CACNB2: variants seen among roughly 807,000 people sequenced by gnomAD.
The protein encoded by CACNB2 is calcium voltage-gated channel auxiliary subunit beta 2.
CACNB2 carries 42 observed loss-of-function variants against 73.3 expected under a neutral mutation model. That is an observed-to-expected ratio of 0.57 (90% CI 0.45 to 0.74). The LOEUF (loss-of-function observed/expected upper bound fraction) is 0.74, where lower values mean the gene tolerates loss of function less well. Among genes scored for constraint, CACNB2 ranks in the 30% least tolerant of loss-of-function variants. The pLI, the probability that CACNB2 is intolerant of heterozygous loss-of-function variation, is 0.00. For missense variants in CACNB2, 940 were observed against 853.0 expected, an observed-to-expected ratio of 1.10 and a Z score of -1.27; for synonymous variants, 348 against 310.3, an observed-to-expected ratio of 1.12 and a Z score of -1.28.
At chr10:18,240,916 C>A (rs571138878) in intron 2 of CACNB2, among the ~76,000 whole-genome samples, 139 of 152,266 alleles carry the variant, frequency 9.1e-4, no homozygotes, top group Middle Eastern at 3.4e-3. Flanking sequence ...TCAGAGTAAT[C>A]TTTTCCCAGT....
chr10:18,392,265 C>G (rs2043513378), intron 2 of CACNB2, among the ~76,000 whole-genome samples: 1 of 151,962 alleles, frequency 6.6e-6, no homozygotes, highest in Non-Finnish European at 1.5e-5. Flanking sequence ...AAGGAACAGC[C>G]AATGGGAAAA....
At chr10:18,272,949 A>G (rs2038119665) in intron 2 of CACNB2, among the ~76,000 whole-genome samples, 1 of 152,146 alleles carries the variant, frequency 6.6e-6, no homozygotes, top group Admixed American at 6.5e-5. Context: ...ATCTCTGGGA[A>G]CCATCTTAGA....
chr10:18,281,094 C>T (rs2038526448), intron 2 of CACNB2, among the ~76,000 whole-genome samples: 1 of 152,180 alleles, frequency 6.6e-6, no homozygotes, highest in Non-Finnish European at 1.5e-5. Context: ...ATGCTTCTTC[C>T]ACCATTCTTA....
chr10:18,354,476 T>C (rs975435974), intron 2 of CACNB2, among the ~76,000 whole-genome samples: 6 of 152,126 alleles, frequency 3.9e-5, no homozygotes, highest in African/African-American at 1.4e-4. Context: ...CGCAAGACAG[T>C]TATGGTGGGG....
rs1717253297 is a variant in CACNB2 at position 18,176,772 on chromosome 10, A to G, written c.213+25797A>G. On this transcript the variant is annotated intron_variant, in intron 2 of 13. Transcript: ENST00000324631. ...TAGAGGTGCTAGCCTATGGGCAGCCATGTTTCAGAGAATGCTGGGTGGGCA... is the reference window on the plus strand; with the variant it reads ...TAGAGGTGCTAGCCTATGGGCAGCCGTGTTTCAGAGAATGCTGGGTGGGCA... Among the ~76,000 whole-genome samples the G allele has an allele frequency of 3.3e-5, 5 of 151,952 alleles. No individual in the cohort carries two copies. In the South Asian group the frequency reaches 1.0e-3, roughly 32 times the overall value.
chr10:18,168,431 C>A (rs1395175362), intron 2 of CACNB2, among the ~76,000 whole-genome samples: 1 of 152,064 alleles, frequency 6.6e-6, no homozygotes, highest in African/African-American at 2.4e-5. Context: ...ACTTAAAGAG[C>A]CTTCATTCTG....
intron 3 of CACNB2, among the ~76,000 whole-genome samples, chr10:18,452,995 T>C (rs2047086977): frequency 6.6e-6 from 1 of 152,188 alleles, no homozygotes; most frequent in Non-Finnish European, 1.5e-5. Context: ...ATAGCATCCA[T>C]GCAGTTGCTC....
chr10:18,490,987 C>T lies in CACNB2; in HGVS notation c.334-7368C>T, dbSNP rs1206432384. 7.9e-5 allele frequency among the ~76,000 whole-genome samples: 12 copies of T among 152,218 alleles called. No individual in the cohort carries two copies. The South Asian group carries it at 2.5e-3, about 32-fold the overall frequency. ...GCTTTCCTCAAGAGCCAGAGCACCTCTTGTGTCCCAGCATGTCCCAGAGCA... is the reference window on the plus strand; with the variant it reads ...GCTTTCCTCAAGAGCCAGAGCACCTTTTGTGTCCCAGCATGTCCCAGAGCA... On this transcript the variant is annotated intron_variant, in intron 3 of 13. Coordinates refer to ENST00000324631, the MANE Select transcript of CACNB2 (RefSeq NM_201596.3).
intron 2 of CACNB2, among the ~76,000 whole-genome samples, chr10:18,187,565 T>G (rs2034209357): frequency 6.6e-6 from 1 of 152,174 alleles, no homozygotes. Context: ...AGTCAAAACA[T>G]AGAGGGTTCT....
chr10:18,252,785 G>T (rs574303042), intron 2 of CACNB2, among the ~76,000 whole-genome samples: 2 of 152,132 alleles, frequency 1.3e-5, no homozygotes, highest in Admixed American at 6.6e-5. Context: ...GCAAGAAAGC[G>T]CAAGGAAAAA....
intron 2 of CACNB2, among the ~76,000 whole-genome samples, chr10:18,360,712 C>T (rs2042107207): frequency 6.6e-6 from 1 of 152,194 alleles, no homozygotes; most frequent in Non-Finnish European, 1.5e-5. Flanking sequence ...GTGAGGAGAG[C>T]AGGCTCCATA....
intron 2 of CACNB2, chr10:18,261,853 T>C: frequency 2.0e-6 from 1 of 491,656 alleles, no homozygotes; most frequent in South Asian, 1.5e-5. Context: ...CCTTATTTCA[T>C]GGCCCTGCTG....
At chr10:18,319,978 C>G in intron 2 of CACNB2, among the ~76,000 whole-genome samples, 1 of 152,056 alleles carries the variant, frequency 6.6e-6, no homozygotes, top group East Asian at 1.9e-4. Context: ...CCAGACAGAC[C>G]GGGAGGGACA....
chr10:18,413,287 A>G (rs1363060958), intron 3 of CACNB2, among the ~76,000 whole-genome samples: 1 of 152,144 alleles, frequency 6.6e-6, no homozygotes, highest in East Asian at 1.9e-4. Flanking sequence ...TATTTTATGT[A>G]TTGGGACCTT....
At chr10:18,227,201 A>G (rs1564359901) in intron 2 of CACNB2, among the ~76,000 whole-genome samples, 1 of 152,166 alleles carries the variant, frequency 6.6e-6, no homozygotes, top group Non-Finnish European at 1.5e-5. Context: ...TGGTGAGTGC[A>G]TCAGATCAAA....
At chr10:18,537,173 A>G (rs2053683979) in intron 12 of CACNB2, among the ~76,000 whole-genome samples, 1 of 151,968 alleles carries the variant, frequency 6.6e-6, no homozygotes, top group Non-Finnish European at 1.5e-5. Context: ...TTCTTAGTAG[A>G]GACGGGGCTT....
At chr10:18,433,866 A>G (rs2046004586) in intron 3 of CACNB2, among the ~76,000 whole-genome samples, 1 of 140,664 alleles carries the variant, frequency 7.1e-6, no homozygotes, top group Non-Finnish European at 1.5e-5. Context: ...ATTGTCTTAA[A>G]TCAGATTTTG....
chr10:18,503,351 C>G (rs1267158712), intron 5 of CACNB2, among the ~76,000 whole-genome samples: 1 of 152,166 alleles, frequency 6.6e-6, no homozygotes, highest in East Asian at 1.9e-4. Flanking sequence ...AATCCCAGCA[C>G]TTTGGGAGGC....
At position 18,263,994 on chromosome 10, in the gene CACNB2, A is replaced by T. The variant is rs529011861; in HGVS notation, c.213+113019A>T. On this transcript the variant is annotated intron_variant, in intron 2 of 13. Transcript: ENST00000324631. ...AGAAGTAATTCCTGTGTTTACCTAA[A>T]CTGTCTTGCTATTTCGTTAAGGACA... Among the ~76,000 whole-genome samples, 3 of 152,314 alleles carry T rather than the reference A, an allele frequency of 2.0e-5. No homozygotes were observed. The East Asian group carries it at 5.8e-4, about 29-fold the overall frequency.
Sources: allele counts gnomAD v4.1 joint callset (sites outside exome capture counted in the v4.1 genomes callset), GRCh38; gene constraint gnomAD v4.1.1; transcripts MANE v1.5; gene names NCBI Gene and HGNC (gene_info 2026-07-23, HGNC 2026-07-21).